Variants in TIMD4 observed in about 807,000 individuals in gnomAD.
TIMD4 encodes the protein T-cell immunoglobulin and mucin domain-containing protein 4.
In TIMD4, 31 loss-of-function variants were observed where a neutral mutation model predicts 41.2. The ratio of observed to expected loss-of-function variants is 0.75; its 90% CI spans 0.57 to 1.01. The LOEUF (loss-of-function observed/expected upper bound fraction) is 1.01, where lower values mean the gene tolerates loss of function less well. Ranked by LOEUF, TIMD4 falls within the 50% of genes least tolerant of loss-of-function variation. The pLI, the probability that TIMD4 is intolerant of heterozygous loss-of-function variation, is 0.00. For missense variants in TIMD4, 479 were observed against 472.5 expected (o/e 1.01, Z -0.13); for synonymous variants, 204 against 177.1 (o/e 1.15, Z -1.21).
At chr5:156,941,604 T>C (rs536033747) in intron 5 of TIMD4, among the ~76,000 whole-genome samples, 1 of 152,308 alleles carries the variant, frequency 6.6e-6, no homozygotes, top group East Asian at 1.9e-4. Context: ...GCCCTGACCC[T>C]GGTCCTCATT....
chr5:156,922,924 A>G (rs1759274275), intron 6 of TIMD4, among the ~76,000 whole-genome samples: 1 of 152,222 alleles, frequency 6.6e-6, no homozygotes, highest in African/African-American at 2.4e-5. Flanking sequence ...TAGTTGCCAT[A>G]AAACATGTTA....
At chr5:156,939,037 T>C (rs1447797593) in intron 5 of TIMD4, among the ~76,000 whole-genome samples, 1 of 152,186 alleles carries the variant, frequency 6.6e-6, no homozygotes, top group Non-Finnish European at 1.5e-5. Flanking sequence ...AGTGTACTGC[T>C]CCTTTGTGGG....
chr5:156,949,469 T>C (rs1285010968), intron 4 of TIMD4, among the ~76,000 whole-genome samples, 182 bp downstream of exon 4: 2 of 151,190 alleles, frequency 1.3e-5, no homozygotes, highest in African/African-American at 2.4e-5. Flanking sequence ...TCTCTCTCTC[T>C]CTCAGCCACA....
At chr5:156,961,970 G>C (rs965161323) in intron 1 of TIMD4, among the ~76,000 whole-genome samples, 1 of 151,990 alleles carries the variant, frequency 6.6e-6, no homozygotes, top group African/African-American at 2.4e-5. Flanking sequence ...AGTTAAGCTA[G>C]GCACAGAAAG....
chr5:156,954,784 C>T, intron 1 of TIMD4, 28 bp from the exon 2 acceptor site: 1 of 1,559,386 alleles, frequency 6.4e-7, no homozygotes, highest in Non-Finnish European at 8.7e-7. Context: ...AAATTTAGGT[C>T]ATGCAGTACT....
At chr5:156,937,297 G>A (rs1269437939) in intron 5 of TIMD4, among the ~76,000 whole-genome samples, 1 of 152,184 alleles carries the variant, frequency 6.6e-6, no homozygotes, top group Non-Finnish European at 1.5e-5. Context: ...GTATCACAGG[G>A]TTCAACAGCC....
At chr5:156,943,720 G>A (rs949788023) in intron 5 of TIMD4, among the ~76,000 whole-genome samples, 1 of 151,962 alleles carries the variant, frequency 6.6e-6, no homozygotes, top group Admixed American at 6.6e-5. Context: ...GGAGAAACTG[G>A]GGGCCATTTC....
At chr5:156,956,576 C>T (rs1275844005) in intron 1 of TIMD4, among the ~76,000 whole-genome samples, 1 of 152,216 alleles carries the variant, frequency 6.6e-6, no homozygotes, top group African/African-American at 2.4e-5. Context: ...ACTACCCATC[C>T]AGTGTTTGAG....
intron 5 of TIMD4, among the ~76,000 whole-genome samples, chr5:156,932,521 C>T (rs1243165047): frequency 1.3e-5 from 2 of 152,158 alleles, no homozygotes; most frequent in African/African-American, 2.4e-5. Context: ...TAAAACCCAA[C>T]AAAGGCCTGC....
intron 7 of TIMD4, 82 bp from the exon 8 acceptor site, chr5:156,920,585 C>T: frequency 1.4e-6 from 2 of 1,463,084 alleles, no homozygotes; most frequent in East Asian, 2.3e-5. Flanking sequence ...CCAGTGCTGC[C>T]CCGCAAAGAG....
intron 5 of TIMD4, chr5:156,935,607 G>C (rs1023355585): frequency 6.6e-6 from 1 of 152,176 alleles, no homozygotes; most frequent in African/African-American, 2.4e-5. Flanking sequence ...GAAAGAGAAA[G>C]AAATGGTGAG....
Position 156,951,762 on chromosome 5 carries a change from G to A in TIMD4, c.429C>T (p.Thr143=). The A allele has an allele frequency of 6.2e-7, 1 of 1,614,074 alleles. No homozygotes were observed. Among genetic ancestry groups the A allele is most frequent in the Non-Finnish European group, 8.5e-7 (1 of 1,180,026 alleles). Residue 143 remains threonine (T), a synonymous_variant, in exon 3 of 9, where the codon ACC becomes ACT. Transcript: ENST00000274532. ...RASTTTHRTA[T]TTTRRTTTTS... Reference sequence around the variant, plus strand: ...TTGTTGTTGTTCTGCGTGTGGTGGTGGTTGCTGTTCTGTGCGTGGTTGTTG... The same window carrying A: ...TTGTTGTTGTTCTGCGTGTGGTGGTAGTTGCTGTTCTGTGCGTGGTTGTTG...
chr5:156,949,381 T>C (rs893683323), intron 4 of TIMD4, among the ~76,000 whole-genome samples: 1 of 151,600 alleles, frequency 6.6e-6, no homozygotes, highest in Non-Finnish European at 1.5e-5. Context: ...CTGCAGAGAA[T>C]TGCACCAATC....
intron 2 of TIMD4, among the ~76,000 whole-genome samples, chr5:156,953,674 A>G (rs866815349): frequency 6.4e-4 from 96 of 148,922 alleles, no homozygotes; most frequent in African/African-American, 1.4e-3. Flanking sequence ...AAAAAAAAAA[A>G]AGAGAGAGAG....
intron 6 of TIMD4, among the ~76,000 whole-genome samples, chr5:156,923,548 T>C (rs1188870951): frequency 6.6e-6 from 1 of 152,006 alleles, no homozygotes; most frequent in Non-Finnish European, 1.5e-5. Flanking sequence ...GATTTTTTTT[T>C]TCTTTTGTAG....
At position 156,920,994 on chromosome 5, in the gene TIMD4, C is replaced by T. The variant is rs1351887825; in HGVS notation, c.1013-491G>A. Among the ~76,000 whole-genome samples the T allele has an allele frequency of 2.0e-5, 3 of 152,124 alleles. No homozygotes were observed. In the East Asian group the frequency reaches 5.8e-4, roughly 29 times the overall value. On this transcript the variant is annotated intron_variant, in intron 7 of 8. Transcript: ENST00000274532. ...CATCTCCTGACATACTGCCCTGAAA[C>T]AGCTTTTGTTAATGAGTACAGAACA...
chr5:156,946,205 C>CT (rs1759737650), intron 5 of TIMD4, among the ~76,000 whole-genome samples: 1 of 152,162 alleles, frequency 6.6e-6, no homozygotes, highest in Non-Finnish European at 1.5e-5. Context: ...TTTCCATCAC[C>CT]TTTCTAGTCA....
At chr5:156,920,651 C>A in intron 7 of TIMD4, 148 bp from the exon 8 acceptor site, 1 of 753,686 alleles carries the variant, frequency 1.3e-6, no homozygotes, top group Non-Finnish European at 2.3e-6. Context: ...AAAGCCATTC[C>A]CTTTCCCAGG....
chr5:156,958,301 GAAAGAAGGAAAGGAAAGGAAAGGAAAGGA>G (rs2113396891), intron 1 of TIMD4, among the ~76,000 whole-genome samples: 2 of 121,294 alleles, frequency 1.6e-5, no homozygotes, highest in South Asian at 5.1e-4. Context: ...GAGAAAGAAA[GAAAGAAGGAAAGGAAAGGAAAGGAAAGGA>G]AAGGAAAGGA....
Sources: allele counts gnomAD v4.1 joint callset (sites outside exome capture counted in the v4.1 genomes callset), GRCh38; gene constraint gnomAD v4.1.1; transcripts MANE v1.5; gene names NCBI Gene and HGNC (gene_info 2026-07-23, HGNC 2026-07-21).